ABHD17C: variants seen among roughly 807,000 people sequenced by gnomAD.
ABHD17C encodes abhydrolase domain containing 17C, depalmitoylase, also known as alpha/beta hydrolase domain-containing protein 17C.
In ABHD17C, 11 loss-of-function variants were observed where a neutral mutation model predicts 27.9. The observed-to-expected ratio is 0.39, with a 90% CI of 0.25 to 0.65. ABHD17C has a LOEUF of 0.65. Ranked by LOEUF, ABHD17C falls within the 30% of genes least tolerant of loss-of-function variation. ABHD17C has a pLI of 0.45. For synonymous variants in ABHD17C, 233 were observed against 209.1 expected (o/e 1.11, Z -0.98); for missense variants, 280 against 470.2 (o/e 0.60, Z 3.74).
chr15:80,752,627 G>A (rs192969223), intron 2 of ABHD17C, among the ~76,000 whole-genome samples: 14 of 152,336 alleles, frequency 9.2e-5, no homozygotes, highest in Admixed American at 3.9e-4. Flanking sequence ...AATGTTAGCT[G>A]TTACTTTTAA....
chr15:80,729,740 A>G (rs570361799), intron 1 of ABHD17C, among the ~76,000 whole-genome samples: 1 of 152,336 alleles, frequency 6.6e-6, no homozygotes, highest in Non-Finnish European at 1.5e-5. Context: ...CACGTTTGAT[A>G]TGTTCGAGAA....
chr15:80,708,830 A>T (rs574225650), intron 1 of ABHD17C, among the ~76,000 whole-genome samples: 155 of 152,338 alleles, frequency 1.0e-3, no homozygotes, highest in South Asian at 3.3e-3. Context: ...GTTAAAATAG[A>T]TGCCAGACCC....
chr15:80,750,333 C>T (rs1596075037), intron 2 of ABHD17C, among the ~76,000 whole-genome samples: 2 of 152,302 alleles, frequency 1.3e-5, no homozygotes, highest in East Asian at 3.9e-4. Flanking sequence ...CGGAAGATCT[C>T]ACCCCTGCAG....
At chr15:80,733,406 G>A (rs1050326763) in intron 1 of ABHD17C, among the ~76,000 whole-genome samples, 1 of 152,148 alleles carries the variant, frequency 6.6e-6, no homozygotes, top group African/African-American at 2.4e-5. Context: ...AGAGGGTGCT[G>A]ACATCCTGGG....
chr15:80,723,357 T>G (rs1373372203), intron 1 of ABHD17C, among the ~76,000 whole-genome samples: 1 of 152,158 alleles, frequency 6.6e-6, no homozygotes, highest in Non-Finnish European at 1.5e-5. Flanking sequence ...CCTGCACAGT[T>G]GCAGGTGAAC....
chr15:80,738,757 G>A (rs770431409), intron 1 of ABHD17C, among the ~76,000 whole-genome samples: 25 of 152,266 alleles, frequency 1.6e-4, no homozygotes, highest in Admixed American at 7.8e-4. Flanking sequence ...TGAAGGGATG[G>A]GGTGCTCAGG....
chr15:80,724,580 T>A (rs1019281821), intron 1 of ABHD17C, among the ~76,000 whole-genome samples: 8 of 151,858 alleles, frequency 5.3e-5, no homozygotes, highest in Non-Finnish European at 8.8e-5. Context: ...AAAACATAAA[T>A]AAGGCTGAAA....
intron 1 of ABHD17C, among the ~76,000 whole-genome samples, chr15:80,698,220 G>A (rs1403644686): frequency 3.3e-5 from 5 of 151,656 alleles, no homozygotes; most frequent in Non-Finnish European, 4.4e-5. Context: ...GCCCGCCACC[G>A]CGTCCGGCTA....
intron 1 of ABHD17C, among the ~76,000 whole-genome samples, chr15:80,725,205 C>T (rs1212620507): frequency 1.3e-5 from 2 of 152,174 alleles, no homozygotes; most frequent in African/African-American, 2.4e-5. Flanking sequence ...CCTCATGAAC[C>T]AAAATTTGCC....
chr15:80,754,576 T>C lies in ABHD17C; in HGVS notation c.*206T>C, dbSNP rs1399248748. On this transcript the variant is annotated 3_prime_UTR_variant, in exon 3 of 3. Transcript: ENST00000258884. ...TCACACAACACGTTAAACTGAACAG[T>C]CGTGATTCCCAGCTTCATTACCTTG... 3.7e-6 allele frequency: 2 copies of C among 543,690 alleles called. No individual in the cohort carries two copies. The highest frequency in any genetic ancestry group is 3.0e-5 in the East Asian group (1 of 33,028). The allele number at this position is 543,690 out of a possible 1,614,324, so 33.7% of individuals were successfully genotyped here.
At chr15:80,722,797 A>G (rs1362452996) in intron 1 of ABHD17C, among the ~76,000 whole-genome samples, 1 of 152,210 alleles carries the variant, frequency 6.6e-6, no homozygotes, top group Non-Finnish European at 1.5e-5. Flanking sequence ...TTCCACATGT[A>G]AGTGAGATCA....
At chr15:80,707,560 G>A (rs562828935) in intron 1 of ABHD17C, among the ~76,000 whole-genome samples, 14 of 147,574 alleles carry the variant, frequency 9.5e-5, no homozygotes, top group Admixed American at 8.7e-4. Context: ...AATAGCTGAT[G>A]AGCCCCCCCT....
chr15:80,740,982 TG>T (rs1895201338), intron 1 of ABHD17C, among the ~76,000 whole-genome samples: 1 of 152,210 alleles, frequency 6.6e-6, no homozygotes, highest in African/African-American at 2.4e-5. Flanking sequence ...TTAGTGGACA[TG>T]GAAACAGATC....
At chr15:80,742,176 G>A (rs1327947847) in intron 1 of ABHD17C, among the ~76,000 whole-genome samples, 1 of 152,132 alleles carries the variant, frequency 6.6e-6, no homozygotes, top group Non-Finnish European at 1.5e-5. Context: ...TATGGGAGTT[G>A]CCTCACGTGA....
At chr15:80,720,576 C>A (rs1894881243) in intron 1 of ABHD17C, among the ~76,000 whole-genome samples, 1 of 151,944 alleles carries the variant, frequency 6.6e-6, no homozygotes, top group Non-Finnish European at 1.5e-5. Flanking sequence ...TATATATATT[C>A]TTTGTGTTCT....
chr15:80,696,155 C>T (rs911072724), intron 1 of ABHD17C, 136 bp downstream of exon 1: 80 of 956,510 alleles, frequency 8.4e-5, no homozygotes, highest in Admixed American at 1.4e-4. Context: ...AGCCCCTTGG[C>T]CGCCGTAAAT....
chr15:80,716,503 A>G (rs1180698714), intron 1 of ABHD17C, among the ~76,000 whole-genome samples: 2 of 152,190 alleles, frequency 1.3e-5, no homozygotes, highest in Non-Finnish European at 2.9e-5. Flanking sequence ...GGCCCTGGCA[A>G]TAGAAGAGCT....
intron 1 of ABHD17C, among the ~76,000 whole-genome samples, chr15:80,709,488 CA>C (rs56163745): frequency 4.4e-4 from 58 of 132,086 alleles, no homozygotes; most frequent in African/African-American, 1.2e-3. Flanking sequence ...GACTCTGTCT[CA>C]AAAAAAAAAA....
intron 1 of ABHD17C, among the ~76,000 whole-genome samples, chr15:80,696,494 G>A (rs905800187): frequency 6.6e-6 from 1 of 152,214 alleles, no homozygotes; most frequent in African/African-American, 2.4e-5. Flanking sequence ...AGACTTTCTG[G>A]TTGTAAAGTG....
Sources: allele counts gnomAD v4.1 joint callset (sites outside exome capture counted in the v4.1 genomes callset), GRCh38; gene constraint gnomAD v4.1.1; transcripts MANE v1.5; gene names NCBI Gene and HGNC (gene_info 2026-07-23, HGNC 2026-07-21).